The following WNK2 variants were observed in gnomAD, a reference collection of about 807,000 sequenced individuals.
WNK2 encodes the protein serine/threonine-protein kinase WNK2.
WNK2 carries 67 observed loss-of-function variants against 192.1 expected under a neutral mutation model. The observed-to-expected ratio is 0.35, with a 90% CI of 0.29 to 0.43. The LOEUF (loss-of-function observed/expected upper bound fraction) is 0.43, where lower values mean the gene tolerates loss of function less well. Ranked by LOEUF, WNK2 falls within the 20% of genes least tolerant of loss-of-function variation. The pLI, the probability that WNK2 is intolerant of heterozygous loss-of-function variation, is 1.00. For missense variants in WNK2, 2,698 were observed against 3,089.7 expected, an observed-to-expected ratio of 0.87 and a Z score of 3.01; for synonymous variants, 1,439 against 1,393.9, an observed-to-expected ratio of 1.03 and a Z score of -0.72.
intron 8 of WNK2, among the ~76,000 whole-genome samples, chr9:93,250,432 C>T (rs1045577109): frequency 1.3e-5 from 2 of 152,234 alleles, no homozygotes; most frequent in Admixed American, 6.5e-5. Context: ...CACACATGTA[C>T]ACCCTTATCC....
intron 2 of WNK2, among the ~76,000 whole-genome samples, chr9:93,204,370 G>T (rs1314666845): frequency 6.6e-6 from 1 of 152,206 alleles, no homozygotes; most frequent in Admixed American, 6.5e-5. Flanking sequence ...TTAGGTTACG[G>T]CTTCCAAGAG....
At chr9:93,261,349 A>T (rs910621205) in intron 12 of WNK2, among the ~76,000 whole-genome samples, 16 of 152,152 alleles carry the variant, frequency 1.1e-4, no homozygotes, top group Non-Finnish European at 2.1e-4. Context: ...GCTTTTAGAG[A>T]GAGACGAGAA....
chr9:93,318,509 A>G (rs1308698575), intron 29 of WNK2: 1 of 1,614,122 alleles, frequency 6.2e-7, no homozygotes, highest in Non-Finnish European at 8.5e-7. Context: ...TCCGCCAGAA[A>G]ACGTTAGGTG....
At position 93,289,828 on chromosome 9, in the gene WNK2, G is replaced by C. The variant is rs555304053; in HGVS notation, c.4867-150G>C. 20 of 873,490 alleles carry C rather than the reference G, an allele frequency of 2.3e-5. No individual in the cohort carries two copies. In the African/African-American group the frequency reaches 2.7e-4, roughly 12 times the overall value. 54.1% of individuals were successfully genotyped at this position (873,490 alleles called of 1,614,324 possible). A position where few individuals can be genotyped will look rare whatever the true frequency, so the allele number is the denominator to read the frequency against. On this transcript the variant is annotated intron_variant, in intron 20 of 29. Coordinates refer to ENST00000427277, the MANE Select transcript of WNK2 (RefSeq NM_006648.4). ...CTGTTTGGGGTCATGCTTGTGCAGC[G>C]TCAGGTGACTCAGCCCCATCCATGC...
At chr9:93,220,768 G>A (rs1836716682) in intron 2 of WNK2, among the ~76,000 whole-genome samples, 2 of 152,272 alleles carry the variant, frequency 1.3e-5, no homozygotes, top group South Asian at 4.1e-4. Context: ...GGCCCGGGGA[G>A]TGGGCACCTT....
intron 2 of WNK2, among the ~76,000 whole-genome samples, chr9:93,203,506 G>A (rs1457439923): frequency 1.3e-5 from 2 of 152,220 alleles, no homozygotes; most frequent in South Asian, 2.1e-4. Flanking sequence ...CTGTGGGAGT[G>A]GCTGCGGGGT....
Position 93,262,042 on chromosome 9 carries a change from C to T in WNK2, c.3295C>T (p.Pro1099Ser), listed in dbSNP as rs1220074880. ...TCTGCCACCAGCAAACCCACCGCTGCCTGGCGGGCCCGGGATCGCCAGCCC... is the reference window on the plus strand; with the variant it reads ...TCTGCCACCAGCAAACCCACCGCTGTCTGGCGGGCCCGGGATCGCCAGCCC... ...TLLPPANPPLPGGPGIASPCP... is the reference protein window; with the variant it reads ...TLLPPANPPLSGGPGIASPCP... Residue 1099 changes from proline (P) to serine (S), a missense_variant, in exon 13 of 30, where the codon CCT (proline) becomes TCT (serine). By Grantham distance (74) the Pro-to-Ser change is moderately conservative. Coordinates refer to ENST00000427277, the MANE Select transcript of WNK2 (RefSeq NM_006648.4). 7.5e-6 allele frequency: 12 copies of T among 1,610,368 alleles called. No homozygotes were observed. Among genetic ancestry groups the T allele is most frequent in the Admixed American group, 1.7e-5 (1 of 59,916 alleles).
chr9:93,273,577 G>A (rs981839231), intron 19 of WNK2, among the ~76,000 whole-genome samples: 1 of 152,172 alleles, frequency 6.6e-6, no homozygotes, highest in Non-Finnish European at 1.5e-5. Flanking sequence ...ATCCACAACT[G>A]TAGTTGGAGA....
chr9:93,211,626 CCACCCACT>C (rs1281659292), intron 2 of WNK2, among the ~76,000 whole-genome samples: 2 of 145,352 alleles, frequency 1.4e-5, no homozygotes, highest in East Asian at 4.4e-4. Flanking sequence ...ATTCACTCAC[CCACCCACT>C]CATCCACTCA....
In WNK2 at chr9:93,299,181, A is replaced by C. The variant is rs1851149563; in HGVS notation, c.6035A>C (p.Gln2012Pro). 4 of 1,608,268 alleles carry C rather than the reference A, an allele frequency of 2.5e-6. No individual in the cohort carries two copies. The highest frequency in any genetic ancestry group is 3.4e-6 in the Non-Finnish European group (4 of 1,176,378). The change falls in exon 25 of 30, where the codon CAG (glutamine) becomes CCG (proline). Residue 2012 changes from glutamine to proline, a missense_variant. Coordinates refer to ENST00000427277, the MANE Select transcript of WNK2 (RefSeq NM_006648.4). ...GLSGKAVQTQ[Q>P]PCSVRASLSS... ...AGCGGGAAGGCAGTGCAGACCCAGC[A>C]GCCCTGCTCCGTCCGGGCCTCCCTG... is the stretch of plus-strand genomic sequence containing the variant.
intron 19 of WNK2, among the ~76,000 whole-genome samples, chr9:93,275,260 T>C (rs571955262): frequency 6.6e-6 from 1 of 152,304 alleles, no homozygotes; most frequent in African/African-American, 2.4e-5. Flanking sequence ...CACATGCCTA[T>C]AGTTGTAGCT....
intron 26 of WNK2, among the ~76,000 whole-genome samples, chr9:93,303,340 G>T (rs1290346040): frequency 1.3e-5 from 2 of 152,124 alleles, no homozygotes; most frequent in African/African-American, 4.8e-5. Flanking sequence ...GGTCCTTCTG[G>T]ATCTTCCCAC....
intron 19 of WNK2, among the ~76,000 whole-genome samples, chr9:93,285,750 C>G (rs1378945676): frequency 6.6e-6 from 1 of 152,182 alleles, no homozygotes; most frequent in Non-Finnish European, 1.5e-5. Context: ...AAGACAGCTT[C>G]TAGGGGAAGG....
intron 16 of WNK2, among the ~76,000 whole-genome samples, chr9:93,265,332 T>C (rs1014862993): frequency 6.6e-6 from 1 of 152,136 alleles, no homozygotes; most frequent in Non-Finnish European, 1.5e-5. Context: ...CGTAACAGGA[T>C]CCTTGCTGGG....
At chr9:93,287,746 C>G (rs1848660825) in intron 19 of WNK2, among the ~76,000 whole-genome samples, 1 of 151,980 alleles carries the variant, frequency 6.6e-6, no homozygotes, top group Non-Finnish European at 1.5e-5. Flanking sequence ...TTTTTGTGTT[C>G]ATTTTCTTTG....
rs371955779 is a variant in WNK2 at position 93,221,032 on chromosome 9, G to A, written c.682-8664G>A. Among the ~76,000 whole-genome samples the A allele has an allele frequency of 2.8e-4, 42 of 152,246 alleles. No individual in the cohort carries two copies. The East Asian group carries it at 4.3e-3, about 15-fold the overall frequency. ...CCATGGTGGCCCTGTCTTTGCCCACGATGGAGGGTATTGGGTGGGCCTGGG... is the reference window on the plus strand; with the variant it reads ...CCATGGTGGCCCTGTCTTTGCCCACAATGGAGGGTATTGGGTGGGCCTGGG... On this transcript the variant is annotated intron_variant, in intron 2 of 29. Coordinates refer to ENST00000427277, the MANE Select transcript of WNK2 (RefSeq NM_006648.4).
Position 93,292,325 on chromosome 9 carries a change from A to G in WNK2, c.4954A>G (p.Ser1652Gly), listed in dbSNP as rs1427097236. 1 of 1,613,918 alleles carries G rather than the reference A, an allele frequency of 6.2e-7. No individual in the cohort carries two copies. Among genetic ancestry groups the G allele is most frequent in the African/African-American group, 1.3e-5 (1 of 75,032 alleles). Residue 1652 changes from serine to glycine, a missense_variant, in exon 22 of 30, where the codon AGT becomes GGT. Ser to Gly is a moderately conservative substitution (Grantham distance 56, BLOSUM62 0). This residue lies in a region of WNK2 where 1,098 missense variants were observed against 1,101.0 expected (regional missense o/e 1.00). Transcript: ENST00000427277. ...TCCCATAGCAGAGTCGTCTCCCAGG[A>G]GTATGCTAGGCTATGACAGAGATGG... ...SSMTAESSPR[S>G]MLGYDRDGRQ...
intron 18 of WNK2, among the ~76,000 whole-genome samples, 189 bp from the exon 19 acceptor site, chr9:93,268,438 G>A (rs555503742): frequency 3.3e-5 from 5 of 152,304 alleles, no homozygotes; most frequent in South Asian, 4.1e-4. Flanking sequence ...CACCTGCTTC[G>A]TGGAGGGAAG....
At position 93,299,839 on chromosome 9, in the gene WNK2, C is replaced by T. The variant is rs545380514; in HGVS notation, c.6116-212C>T. 6.8e-5 allele frequency among the ~76,000 whole-genome samples: 10 copies of T among 147,382 alleles called. No individual in the cohort carries two copies. The South Asian group carries it at 2.0e-3, about 29-fold the overall frequency. On this transcript the variant is annotated intron_variant, in intron 25 of 29. Transcript: ENST00000427277. ...GCCGCCCCGCCCCGCCCACCCCACCCTGCCCGCCCCTCTCCGGGCTGCTTC... is the reference window on the plus strand; with the variant it reads ...GCCGCCCCGCCCCGCCCACCCCACCTTGCCCGCCCCTCTCCGGGCTGCTTC...
Sources: allele counts gnomAD v4.1 joint callset (sites outside exome capture counted in the v4.1 genomes callset), GRCh38; gene constraint gnomAD v4.1.1; regional missense constraint gnomAD v4.1.1; transcripts MANE v1.5; gene names NCBI Gene and HGNC (gene_info 2026-07-23, HGNC 2026-07-21).